Variants in CSMD1 observed in about 807,000 individuals in gnomAD.
The protein encoded by CSMD1 is CUB and Sushi multiple domains 1.
CSMD1 carries 213 observed loss-of-function variants against 417.5 expected under a neutral mutation model. The ratio of observed to expected loss-of-function variants is 0.51; its 90% CI spans 0.46 to 0.57. CSMD1 has a LOEUF of 0.57. Among genes scored for constraint, CSMD1 ranks in the 20% least tolerant of loss-of-function variants. The pLI, the probability that CSMD1 is intolerant of heterozygous loss-of-function variation, is 0.00. For missense variants in CSMD1, 6,923 were observed against 4,529.7 expected, an observed-to-expected ratio of 1.53 and a Z score of -15.17; for synonymous variants, 2,862 against 1,736.8, an observed-to-expected ratio of 1.65 and a Z score of -16.11.
intron 3 of CSMD1, among the ~76,000 whole-genome samples, chr8:4,270,926 G>A (rs190796841): frequency 2.6e-5 from 4 of 152,130 alleles, no homozygotes; most frequent in East Asian, 1.9e-4. Context: ...TGTGAAAAAT[G>A]AGACACCCCT....
At chr8:4,081,223 C>G (rs908452652) in intron 3 of CSMD1, among the ~76,000 whole-genome samples, 2 of 152,130 alleles carry the variant, frequency 1.3e-5, no homozygotes, top group African/African-American at 2.4e-5. Flanking sequence ...TGTTATGCAG[C>G]AGGAACAGTC....
intron 49 of CSMD1, among the ~76,000 whole-genome samples, chr8:3,063,246 C>T (rs1380672378): frequency 1.3e-5 from 2 of 152,196 alleles, no homozygotes; most frequent in Non-Finnish European, 2.9e-5. Context: ...AGCCCAGAAG[C>T]ACATGTTGTC....
At chr8:4,067,469 C>T (rs1432603285) in intron 3 of CSMD1, among the ~76,000 whole-genome samples, 1 of 139,022 alleles carries the variant, frequency 7.2e-6, no homozygotes, top group Non-Finnish European at 1.6e-5. Flanking sequence ...GTTCTTTTCA[C>T]ATGAAATAAA....
At chr8:3,889,321 A>G (rs1806782781) in intron 5 of CSMD1, among the ~76,000 whole-genome samples, 1 of 151,454 alleles carries the variant, frequency 6.6e-6, no homozygotes, top group African/African-American at 2.4e-5. Flanking sequence ...AGAAGAAGAG[A>G]CGATAATCTG....
intron 3 of CSMD1, among the ~76,000 whole-genome samples, chr8:4,417,377 G>C (rs1008089032): frequency 6.6e-6 from 1 of 151,904 alleles, no homozygotes; most frequent in Non-Finnish European, 1.5e-5. Flanking sequence ...TTGGTGTCCG[G>C]ATTATGTTTA....
At position 2,935,896 on chromosome 8, in the gene CSMD1, G is replaced by T. The variant is rs1646237466; in HGVS notation, c.*2689C>A. ...GCAAGATGTGTGTGTAAAACAAGCAGCAGTTTTAAACAGCTCTGAAGCACG... is the reference window on the plus strand; with the variant it reads ...GCAAGATGTGTGTGTAAAACAAGCATCAGTTTTAAACAGCTCTGAAGCACG... On this transcript the variant is annotated 3_prime_UTR_variant, in exon 70 of 70. Transcript: ENST00000635120. 1 of 152,202 alleles carries T rather than the reference G, an allele frequency of 6.6e-6. No individual in the cohort carries two copies. The highest frequency in any genetic ancestry group is 1.5e-5 in the Non-Finnish European group (1 of 68,034). 9.4% of individuals were successfully genotyped at this position (152,202 alleles called of 1,614,324 possible). A position where few individuals can be genotyped will look rare whatever the true frequency, so the allele number is the denominator to read the frequency against.
In CSMD1 at chr8:4,444,280, G is replaced by A. The variant is rs902092639; in HGVS notation, c.303-24215C>T. On this transcript the variant is annotated intron_variant, in intron 2 of 69. Coordinates refer to ENST00000635120, the MANE Select transcript of CSMD1 (RefSeq NM_033225.6). The stretch of plus-strand genomic sequence containing the variant: ...TTGCTTGAACCTGGGCTGGGAGGTG[G>A]ACGTTGCAGTGAACTGAGATCTCGC... Among the ~76,000 whole-genome samples, 7 of 145,310 alleles carry A rather than the reference G, an allele frequency of 4.8e-5. 1 individual carries two copies. The highest frequency in any genetic ancestry group is 2.2e-4 in the South Asian group (1 of 4,528).
chr8:3,884,968 G>T (rs146575713), intron 5 of CSMD1, among the ~76,000 whole-genome samples: 2 of 148,032 alleles, frequency 1.4e-5, no homozygotes, highest in Non-Finnish European at 3.0e-5. Context: ...CATTCAGAAG[G>T]CATCATTCAT....
intron 7 of CSMD1, among the ~76,000 whole-genome samples, chr8:3,647,591 T>C (rs550250889): frequency 8.5e-5 from 13 of 152,244 alleles, no homozygotes; most frequent in African/African-American, 2.6e-4. Flanking sequence ...AAACACAGCA[T>C]GTTGGAACCA....
Position 3,350,827 on chromosome 8 carries a change from A to G in CSMD1, c.3305-2666T>C, listed in dbSNP as rs1808370671. Among the ~76,000 whole-genome samples, 7 of 151,816 alleles carry G rather than the reference A, an allele frequency of 4.6e-5. 1 individual carries two copies. The Admixed American group carries it at 4.6e-4, about 10-fold the overall frequency. On this transcript the variant is annotated intron_variant, in intron 21 of 69. Coordinates refer to ENST00000635120, the MANE Select transcript of CSMD1 (RefSeq NM_033225.6). ...AAAAGAAATAATTTTACATGTTTTT[A>G]TTAGCCTTTGGAATCTGGGATTTTT...
intron 1 of CSMD1, among the ~76,000 whole-genome samples, chr8:4,883,953 G>A (rs75874072): frequency 0.016 from 2,426 of 152,066 alleles, 87 homozygotes; most frequent in African/African-American, 0.055. Flanking sequence ...TCCACTAGCT[G>A]CCTACGAGCC....
intron 1 of CSMD1, among the ~76,000 whole-genome samples, chr8:4,742,983 C>G (rs1325281267): frequency 6.6e-6 from 1 of 152,170 alleles, no homozygotes; most frequent in Non-Finnish European, 1.5e-5. Context: ...GAAACATGGT[C>G]AACTGTCAAC....
At chr8:3,885,044 C>G (rs959529489) in intron 5 of CSMD1, among the ~76,000 whole-genome samples, 8 of 151,472 alleles carry the variant, frequency 5.3e-5, no homozygotes, top group Non-Finnish European at 1.0e-4. Flanking sequence ...TCTAATGGAC[C>G]TAGTGTCTAT....
At chr8:2,982,608 C>A (rs756771560) in intron 54 of CSMD1, among the ~76,000 whole-genome samples, 1 of 152,158 alleles carries the variant, frequency 6.6e-6, no homozygotes, top group African/African-American at 2.4e-5. Flanking sequence ...TGCCTCACAC[C>A]GTAGTAGGTC....
intron 1 of CSMD1, among the ~76,000 whole-genome samples, chr8:4,956,499 A>G (rs1038897104): frequency 6.7e-6 from 1 of 148,802 alleles, no homozygotes; most frequent in Non-Finnish European, 1.5e-5. Context: ...ATAAAAATAT[A>G]TGTTATCATA....
At chr8:3,621,117 G>A (rs1230637174) in intron 7 of CSMD1, among the ~76,000 whole-genome samples, 1 of 152,168 alleles carries the variant, frequency 6.6e-6, no homozygotes, top group Non-Finnish European at 1.5e-5. Flanking sequence ...AGAGCGCTTA[G>A]AAGAAACCAA....
intron 37 of CSMD1, among the ~76,000 whole-genome samples, chr8:3,179,359 A>C (rs1260305759): frequency 3.3e-5 from 5 of 152,226 alleles, no homozygotes; most frequent in African/African-American, 1.2e-4. Context: ...ACAACCACTT[A>C]AAAAAGAAAA....
rs77252556 is a variant in CSMD1 at position 4,266,689 on chromosome 8, G to A, written c.415+153264C>T. On this transcript the variant is annotated intron_variant, in intron 3 of 69. Transcript: ENST00000635120. ...ATAACTTGAAAAATACATTATCAAA[G>A]AATTATACTTAGTTTTATACATTAT... Among the ~76,000 whole-genome samples the A allele has an allele frequency of 1.9e-5, 2 of 102,608 alleles. 1 individual carries two copies. Among genetic ancestry groups the A allele is most frequent in the Non-Finnish European group, 5.2e-5 (2 of 38,162 alleles). The allele number at this position is 102,608 out of a possible 152,430, so 67.3% of individuals were successfully genotyped here.
intron 1 of CSMD1, among the ~76,000 whole-genome samples, chr8:4,821,983 A>AATTGTGTGTGATTCGTGGG (rs1799550658): frequency 6.6e-6 from 1 of 152,038 alleles, no homozygotes; most frequent in African/African-American, 2.4e-5. Context: ...CGTAAAATAA[A>AATTGTGTGTGATTCGTGGG]GTTCCTCTGT....
Sources: allele counts gnomAD v4.1 joint callset (sites outside exome capture counted in the v4.1 genomes callset), GRCh38; gene constraint gnomAD v4.1.1; transcripts MANE v1.5; gene names NCBI Gene and HGNC (gene_info 2026-07-23, HGNC 2026-07-21).